Variants in LRP1B observed in about 807,000 individuals in gnomAD.
LRP1B encodes LDL receptor related protein 1B, also known as low-density lipoprotein receptor-related protein 1B.
Under a neutral mutation model 556.6 loss-of-function variants are expected in LRP1B, and 217 were observed. That is an observed-to-expected ratio of 0.39 (90% CI 0.35 to 0.44). The LOEUF (loss-of-function observed/expected upper bound fraction) is 0.44. Ranked by LOEUF, LRP1B falls within the 20% of genes least tolerant of loss-of-function variation. The pLI is 1.00. For missense variants in LRP1B, 5,053 were observed against 5,620.8 expected (o/e 0.90, Z 3.23); for synonymous variants, 2,047 against 1,865.8 (o/e 1.10, Z -2.50).
intron 2 of LRP1B, among the ~76,000 whole-genome samples, chr2:141,775,084 A>G (rs1466682903): frequency 1.3e-5 from 2 of 152,228 alleles, no homozygotes; most frequent in Non-Finnish European, 2.9e-5. Context: ...TGAAAATCAC[A>G]TAACATGTAG....
At chr2:140,331,447 A>G (rs551443102) in intron 79 of LRP1B, among the ~76,000 whole-genome samples, 2 of 152,090 alleles carry the variant, frequency 1.3e-5, no homozygotes, top group African/African-American at 2.4e-5. Flanking sequence ...ACATATTCGA[A>G]TCACTCCTTA....
At chr2:141,546,291 T>G (rs1288257713) in intron 2 of LRP1B, among the ~76,000 whole-genome samples, 2 of 152,138 alleles carry the variant, frequency 1.3e-5, no homozygotes, top group Non-Finnish European at 2.9e-5. Flanking sequence ...ATTTTACAGA[T>G]GAGGTAACTC....
chr2:140,585,623 GT>G (rs1681953624), intron 43 of LRP1B, among the ~76,000 whole-genome samples: 1 of 152,056 alleles, frequency 6.6e-6, no homozygotes, highest in African/African-American at 2.4e-5. Flanking sequence ...AGATCACACA[GT>G]TTTTTTGAAC....
At chr2:141,334,385 A>G (rs1050467731) in intron 3 of LRP1B, among the ~76,000 whole-genome samples, 1 of 151,948 alleles carries the variant, frequency 6.6e-6, no homozygotes, top group Non-Finnish European at 1.5e-5. Context: ...AAAGACGTCC[A>G]CTCCTGCTTT....
At chr2:140,328,591 A>G (rs1680621876) in intron 79 of LRP1B, among the ~76,000 whole-genome samples, 2 of 152,090 alleles carry the variant, frequency 1.3e-5, no homozygotes, top group Non-Finnish European at 1.5e-5. Flanking sequence ...AACTAGAGAA[A>G]ATTATATCCA....
chr2:140,283,434 T>C (rs1682998514), intron 84 of LRP1B, among the ~76,000 whole-genome samples: 1 of 151,728 alleles, frequency 6.6e-6, no homozygotes, highest in African/African-American at 2.4e-5. Flanking sequence ...AAATGATAAA[T>C]TTTCATCATG....
chr2:141,450,500 A>G (rs1332065560), intron 3 of LRP1B, among the ~76,000 whole-genome samples: 6 of 152,092 alleles, frequency 3.9e-5, no homozygotes, highest in African/African-American at 1.2e-4. Context: ...ACCATTTCTT[A>G]TACATAACAT....
chr2:141,632,454 A>G (rs1308703486), intron 2 of LRP1B, among the ~76,000 whole-genome samples: 1 of 152,128 alleles, frequency 6.6e-6, no homozygotes, highest in Non-Finnish European at 1.5e-5. Flanking sequence ...AACGTAGTCT[A>G]TTACATTGTT....
At chr2:142,031,163 T>A (rs1046275678) in intron 1 of LRP1B, among the ~76,000 whole-genome samples, 2 of 151,782 alleles carry the variant, frequency 1.3e-5, no homozygotes, top group Admixed American at 6.6e-5. Flanking sequence ...TTATATAATA[T>A]GATATAGCTT....
At chr2:140,924,476 T>A (rs1042055871) in intron 20 of LRP1B, among the ~76,000 whole-genome samples, 4 of 152,084 alleles carry the variant, frequency 2.6e-5, no homozygotes, top group Admixed American at 6.6e-5. Context: ...ATTATAAAGA[T>A]GTTCAAGATG....
chr2:141,919,022 T>C (rs1700110818), intron 1 of LRP1B, among the ~76,000 whole-genome samples: 1 of 152,098 alleles, frequency 6.6e-6, no homozygotes, highest in Non-Finnish European at 1.5e-5. Flanking sequence ...CCTTAAATTT[T>C]TTTTCTTTTC....
chr2:141,653,082 A>C (rs1689860316), intron 2 of LRP1B, among the ~76,000 whole-genome samples: 1 of 152,186 alleles, frequency 6.6e-6, no homozygotes, highest in Non-Finnish European at 1.5e-5. Flanking sequence ...ATGATCTCTC[A>C]ACATCCGTGC....
intron 7 of LRP1B, among the ~76,000 whole-genome samples, chr2:141,169,415 C>T (rs1174642829): frequency 6.6e-6 from 1 of 151,354 alleles, no homozygotes; most frequent in African/African-American, 2.4e-5. Flanking sequence ...TTGTGTTATC[C>T]CCCTAATGTA....
chr2:141,786,116 C>T (rs547281326), intron 2 of LRP1B, among the ~76,000 whole-genome samples: 105 of 151,828 alleles, frequency 6.9e-4, no homozygotes, highest in African/African-American at 2.3e-3. Context: ...AGAATTATTC[C>T]GATACTTTTC....
chr2:141,283,094 C>T (rs1461487630), intron 3 of LRP1B, among the ~76,000 whole-genome samples: 4 of 152,048 alleles, frequency 2.6e-5, no homozygotes, highest in Non-Finnish European at 5.9e-5. Context: ...CAAGTTTATA[C>T]ACAAGATACC....
At chr2:141,078,481 C>T (rs1699846576) in intron 7 of LRP1B, among the ~76,000 whole-genome samples, 1 of 152,134 alleles carries the variant, frequency 6.6e-6, no homozygotes. Flanking sequence ...AGTCAATCAG[C>T]TTATTTGACT....
intron 66 of LRP1B, among the ~76,000 whole-genome samples, chr2:140,422,262 G>A (rs528870781): frequency 4.6e-5 from 7 of 152,228 alleles, no homozygotes; most frequent in African/African-American, 1.7e-4. Context: ...CCGAAAATCT[G>A]GTAGAATGTA....
At position 141,923,443 on chromosome 2, in the gene LRP1B, T is replaced by TAC. The variant is rs1214656887; in HGVS notation, c.83-113043_83-113042insGT. Among the ~76,000 whole-genome samples, 10 of 64,772 alleles carry TAC rather than the reference T, an allele frequency of 1.5e-4. 1 individual carries two copies. Among genetic ancestry groups the TAC allele is most frequent in the African/African-American group, 4.6e-4 (9 of 19,464 alleles). 42.5% of individuals were successfully genotyped at this position (64,772 alleles called of 152,430 possible). A position where few individuals can be genotyped will look rare whatever the true frequency, so the allele number is the denominator to read the frequency against. ...TATATAGTGACAAAGAGATTATATATATATGTGTGTGTGTGTGTGTGTGTG... is the reference window on the plus strand; with the variant it reads ...TATATAGTGACAAAGAGATTATATATACATATGTGTGTGTGTGTGTGTGTGTG... On this transcript the variant is annotated intron_variant, in intron 1 of 90. Coordinates refer to ENST00000389484, the MANE Select transcript of LRP1B (RefSeq NM_018557.3).
chr2:142,129,584 T>TCTCTCTC (rs1707775509), intron 1 of LRP1B, among the ~76,000 whole-genome samples: 8 of 134,832 alleles, frequency 5.9e-5, no homozygotes, highest in African/African-American at 1.9e-4. Context: ...CTTTCTCTCT[T>TCTCTCTC]TCTCTCTCTC....
Sources: gnomAD v4.1 joint callset for allele counts (sites outside exome capture counted in the v4.1 genomes callset) on GRCh38, gnomAD v4.1.1 for gene constraint, MANE v1.5 for transcripts, NCBI Gene and HGNC (gene_info 2026-07-23, HGNC 2026-07-21) for gene names.